Variants in PRDM5 observed in about 807,000 individuals in gnomAD.
The protein encoded by PRDM5 is PR/SET domain 5.
A neutral mutation model predicts 81.2 loss-of-function variants in PRDM5; 56 were observed. That is an observed-to-expected ratio of 0.69 (90% CI 0.56 to 0.86). PRDM5 has a LOEUF of 0.86. Ranked by LOEUF, PRDM5 falls within the 40% of genes least tolerant of loss-of-function variation. PRDM5 has a pLI of 0.00. For synonymous variants in PRDM5, 267 were observed against 256.4 expected (o/e 1.04, Z -0.39); for missense variants, 697 against 770.1 (o/e 0.91, Z 1.12).
At chr4:120,740,853 T>C (rs1362430581) in intron 14 of PRDM5, among the ~76,000 whole-genome samples, 2 of 152,208 alleles carry the variant, frequency 1.3e-5, no homozygotes, top group Non-Finnish European at 2.9e-5. Flanking sequence ...ATAAAATGTT[T>C]TCACAATTCA....
At chr4:120,888,606 C>T (rs906431850) in intron 2 of PRDM5, among the ~76,000 whole-genome samples, 4 of 152,016 alleles carry the variant, frequency 2.6e-5, no homozygotes, top group Non-Finnish European at 5.9e-5. Flanking sequence ...GTAACGTGTT[C>T]TAGTTAATAT....
chr4:120,906,740 T>C (rs1765842160), intron 2 of PRDM5, among the ~76,000 whole-genome samples: 1 of 152,198 alleles, frequency 6.6e-6, no homozygotes. Context: ...TCCTTAACTA[T>C]GTGTTTTTAA....
At chr4:120,829,369 T>C (rs72921573) in intron 3 of PRDM5, among the ~76,000 whole-genome samples, 2,854 of 152,180 alleles carry the variant, frequency 0.019, 100 homozygotes, top group African/African-American at 0.064. Flanking sequence ...TTTCAAATTC[T>C]CTATGACCCT....
At chr4:120,849,878 T>C (rs1759067364) in intron 3 of PRDM5, among the ~76,000 whole-genome samples, 1 of 152,120 alleles carries the variant, frequency 6.6e-6, no homozygotes, top group African/African-American at 2.4e-5. Context: ...AACTTTCACA[T>C]TTAGAATTTT....
chr4:120,753,541 G>A (rs995312919), intron 14 of PRDM5, among the ~76,000 whole-genome samples: 2 of 152,094 alleles, frequency 1.3e-5, no homozygotes, highest in African/African-American at 4.8e-5. Context: ...TTTACGTGCT[G>A]CAGAACTGAA....
intron 12 of PRDM5, among the ~76,000 whole-genome samples, chr4:120,779,172 A>G (rs1244144696): frequency 6.6e-6 from 1 of 152,174 alleles, no homozygotes; most frequent in Admixed American, 6.5e-5. Context: ...AAAAATTAAA[A>G]TATTCCTTTC....
intron 14 of PRDM5, among the ~76,000 whole-genome samples, chr4:120,730,911 C>A (rs1740151876): frequency 6.6e-6 from 1 of 152,140 alleles, no homozygotes; most frequent in Admixed American, 6.5e-5. Context: ...ATTATTGTTA[C>A]AAATGGGGCT....
At chr4:120,722,476 G>A (rs776143448) in intron 14 of PRDM5, among the ~76,000 whole-genome samples, 16 of 151,864 alleles carry the variant, frequency 1.1e-4, no homozygotes, top group Non-Finnish European at 1.8e-4. Flanking sequence ...ACCCTTCCCA[G>A]CCCAGCCAAA....
At chr4:120,739,908 C>T (rs1301977999) in intron 14 of PRDM5, among the ~76,000 whole-genome samples, 1 of 151,696 alleles carries the variant, frequency 6.6e-6, no homozygotes, top group African/African-American at 2.4e-5. Context: ...GGGTTGATGA[C>T]CATCAGAAAG....
intron 4 of PRDM5, among the ~76,000 whole-genome samples, 159 bp downstream of exon 4, chr4:120,821,012 G>A (rs1228092533): frequency 1.3e-5 from 2 of 152,174 alleles, no homozygotes; most frequent in African/African-American, 2.4e-5. Context: ...CTGTAACAAA[G>A]ATGAGTCCAC....
At chr4:120,871,826 G>T (rs1424692247) in intron 2 of PRDM5, among the ~76,000 whole-genome samples, 2 of 151,672 alleles carry the variant, frequency 1.3e-5, no homozygotes, top group Non-Finnish European at 2.9e-5. Flanking sequence ...TCTGTGCCAT[G>T]TTGATAGGAT....
intron 11 of PRDM5, among the ~76,000 whole-genome samples, chr4:120,782,639 G>A (rs746485497): frequency 2.0e-5 from 3 of 151,964 alleles, no homozygotes; most frequent in Non-Finnish European, 4.4e-5. Flanking sequence ...TTGGTTTTTT[G>A]TGTGTTTTTG....
At chr4:120,700,047 A>G (rs748565278) in intron 15 of PRDM5, among the ~76,000 whole-genome samples, 6 of 152,170 alleles carry the variant, frequency 3.9e-5, no homozygotes, top group Non-Finnish European at 7.3e-5. Flanking sequence ...TTCAAACTAT[A>G]CTATAAGGCT....
intron 1 of PRDM5, among the ~76,000 whole-genome samples, chr4:120,916,207 G>A (rs565523458): frequency 4.1e-4 from 63 of 152,092 alleles, no homozygotes; most frequent in African/African-American, 1.5e-3. Flanking sequence ...TCACCAACAT[G>A]GTAAAACCCT....
chr4:120,816,836 A>G lies in PRDM5; in HGVS notation c.739T>C (p.Ser247Pro). 6.2e-7 allele frequency: 1 copy of G among 1,613,222 alleles called. No homozygotes were observed. The highest frequency in any genetic ancestry group is 8.5e-7 in the Non-Finnish European group (1 of 1,179,124). The change falls in exon 6 of 16, where the codon TCG (serine) becomes CCG (proline). Residue 247 changes from serine (S) to proline (P), a missense_variant. Coordinates refer to ENST00000264808, the MANE Select transcript of PRDM5 (RefSeq NM_018699.4). ...SVCNSSFSSASSFEQHQETCR... is the reference protein window; with the variant it reads ...SVCNSSFSSAPSFEQHQETCR... ...TTCATAACTCAGACACAAAACCTCG[A>G]TGCTGAACTGAAGGAAGAATTGCAA...
At chr4:120,706,033 G>A (rs1308355483) in intron 15 of PRDM5, among the ~76,000 whole-genome samples, 1 of 151,982 alleles carries the variant, frequency 6.6e-6, no homozygotes, top group Non-Finnish European at 1.5e-5. Flanking sequence ...CAGGGTGTGA[G>A]TGAAAGCTGC....
intron 3 of PRDM5, chr4:120,839,297 A>G (rs1341715107): frequency 1.4e-6 from 1 of 702,976 alleles, no homozygotes; most frequent in Non-Finnish European, 2.6e-6. Context: ...AAAATGAGGT[A>G]TACAAACAAG....
In PRDM5 at chr4:120,898,476, A is replaced by C. The variant is rs1216452017; in HGVS notation, c.177+8998T>G. Among the ~76,000 whole-genome samples, 5 of 152,212 alleles carry C rather than the reference A, an allele frequency of 3.3e-5. No individual in the cohort carries two copies. In the East Asian group the frequency reaches 5.8e-4, roughly 18 times the overall value. On this transcript the variant is annotated intron_variant, in intron 2 of 15. Transcript: ENST00000264808. ...AAAGAGTAACCCTCTAGACAGGCTG[A>C]GCTCAGATTTTTAGCCTCTTGCCTA...
intron 13 of PRDM5, among the ~76,000 whole-genome samples, chr4:120,772,280 T>C (rs1747405713): frequency 6.6e-6 from 1 of 152,222 alleles, no homozygotes; most frequent in Non-Finnish European, 1.5e-5. Context: ...TAGGATGATC[T>C]TTTATCAAAT....
Sources: gnomAD v4.1 joint callset for allele counts (sites outside exome capture counted in the v4.1 genomes callset) on GRCh38, gnomAD v4.1.1 for gene constraint, MANE v1.5 for transcripts, NCBI Gene and HGNC (gene_info 2026-07-23, HGNC 2026-07-21) for gene names.